Variants in TNNC1 observed in about 807,000 individuals in gnomAD.
TNNC1 encodes the protein troponin C1, slow skeletal and cardiac type.
TNNC1 carries 10 observed loss-of-function variants against 19.6 expected under a neutral mutation model. The observed-to-expected ratio is 0.51, with a 90% CI of 0.31 to 0.87. The LOEUF (loss-of-function observed/expected upper bound fraction) is 0.87, where lower values mean the gene tolerates loss of function less well. TNNC1 is among the 40% of genes least tolerant of loss of function. The pLI is 0.04. For synonymous variants in TNNC1, 85 were observed against 80.1 expected, an observed-to-expected ratio of 1.06 and a Z score of -0.33; for missense variants, 115 against 219.8, an observed-to-expected ratio of 0.52 and a Z score of 3.02.
In TNNC1 at chr3:52,452,461, C is replaced by T. The variant is rs1000067493; in HGVS notation, c.55+22G>A. The T allele has an allele frequency of 1.2e-6, 2 of 1,612,814 alleles. No homozygotes were observed. The highest frequency in any genetic ancestry group is 1.7e-5 in the Admixed American group (1 of 59,772). ...CCAGCCTGGACCCGCTGGTCTCCCA[C>T]ATGTGTGATAGGGATTCTCACCATT... On this transcript the variant is annotated intron_variant, in intron 2 of 5. Transcript: ENST00000232975. The surrounding 1 kb of genome is among the most constrained non-coding windows in gnomAD (Gnocchi z 5.2).
In TNNC1 at chr3:52,452,020, C is replaced by T. The variant is rs1706337002; in HGVS notation, c.202+86G>A. The T allele has an allele frequency of 8.1e-6, 13 of 1,606,424 alleles. No individual in the cohort carries two copies. Among genetic ancestry groups the T allele is most frequent in the Admixed American group, 1.7e-5 (1 of 59,934 alleles). The stretch of plus-strand genomic sequence containing the variant: ...ATGAGGCAACCAAGGCTCGGATAGG[C>T]TAAATTGCTCCCAGCTAAACAGAGC... On this transcript the variant is annotated intron_variant, in intron 3 of 5. Transcript: ENST00000232975. This position sits in a 1 kb window ranked among gnomAD's most constrained non-coding sequence, Gnocchi z 5.2.
chr3:52,452,224 C>A lies in TNNC1; in HGVS notation c.84G>T (p.Val28=). ...TGATGCAGCCATCCTCAGCGCCCAG[C>A]ACGAAGATGTCGAAGGCTGCCTTGA... ...NEFKAAFDIF[V]LGAEDGCIST... Residue 28 remains valine, a synonymous_variant, in exon 3 of 6, where the codon GTG becomes GTT. Transcript: ENST00000232975. The surrounding 1 kb of genome is among the most constrained non-coding windows in gnomAD (Gnocchi z 5.2). 6.2e-7 allele frequency: 1 copy of A among 1,613,660 alleles called. No homozygotes were observed. The highest frequency in any genetic ancestry group is 2.2e-5 in the East Asian group (1 of 44,876).
intron 1 of TNNC1, 79 bp downstream of exon 1, chr3:52,453,913 G>A (rs1706367759): frequency 6.6e-7 from 1 of 1,520,596 alleles, no homozygotes; most frequent in Non-Finnish European, 8.9e-7. Context: ...CTTCCCTGGG[G>A]CTACTAACCC....
Position 52,452,245 on chromosome 3 carries a change from CT to C in TNNC1, c.62del (p.Lys21ArgfsTer24). The C allele has an allele frequency of 6.2e-7, 1 of 1,611,836 alleles. No individual in the cohort carries two copies. ...QLTEEQKNEF[K>X]AAFDIFVLGA... is the part of the protein sequence containing the mutation. ...CCAGCACGAAGATGTCGAAGGCTGC[CT>C]TGAACTCTGTGTTCAGGGGTTGGGG... is the stretch of plus-strand genomic sequence containing the variant. On this transcript the variant is annotated frameshift_variant, in exon 3 of 6. Coordinates refer to ENST00000232975, the MANE Select transcript of TNNC1 (RefSeq NM_003280.3). LOFTEE classifies it high-confidence loss of function. The surrounding 1 kb of genome is among the most constrained non-coding windows in gnomAD (Gnocchi z 5.2).
Position 52,451,103 on chromosome 3 carries a change from G to T in TNNC1, c.*172C>A. 1.3e-6 allele frequency: 1 copy of T among 791,000 alleles called. No individual in the cohort carries two copies. Among genetic ancestry groups the T allele is most frequent in the African/African-American group, 1.7e-5 (1 of 58,566 alleles). 49.0% of individuals were successfully genotyped at this position (791,000 alleles called of 1,614,324 possible). ...CACCAGAGCCAGATAGCAGACCTTG[G>T]GAGAGCAGGCTTTATTTGCATCCCC... On this transcript the variant is annotated 3_prime_UTR_variant, in exon 6 of 6. Transcript: ENST00000232975. The surrounding 1 kb of genome is among the most constrained non-coding windows in gnomAD (Gnocchi z 4.8).
At position 52,452,078 on chromosome 3, in the gene TNNC1, T is replaced by C. The variant is rs1412157343; in HGVS notation, c.202+28A>G. On this transcript the variant is annotated intron_variant, in intron 3 of 5. Coordinates refer to ENST00000232975, the MANE Select transcript of TNNC1 (RefSeq NM_003280.3). The surrounding 1 kb of genome is among the most constrained non-coding windows in gnomAD (Gnocchi z 5.2). The stretch of plus-strand genomic sequence containing the variant: ...CCAGCCCCCAGCCAGCTGGGGTTCT[T>C]CTGGAGCCTGGGGAGGAGGGGGCTC... The C allele has an allele frequency of 6.2e-7, 1 of 1,613,640 alleles. No homozygotes were observed.
In TNNC1 at chr3:52,452,284, A is replaced by G. The variant is rs769720275; in HGVS notation, c.56-32T>C. On this transcript the variant is annotated intron_variant, in intron 2 of 5. Transcript: ENST00000232975. The surrounding 1 kb of genome is among the most constrained non-coding windows in gnomAD (Gnocchi z 5.2). ...TCAGGGGTTGGGGGGCACAGTAGTC[A>G]GGGCTCAGCAGCCAGGACCACGGAG... 12 of 1,604,964 alleles carry G rather than the reference A, an allele frequency of 7.5e-6. No individual in the cohort carries two copies. Among genetic ancestry groups the G allele is most frequent in the Non-Finnish European group, 8.5e-6 (10 of 1,179,970 alleles).
At position 52,452,003 on chromosome 3, in the gene TNNC1, A is replaced by G. The variant is rs1465763522; in HGVS notation, c.202+103T>C. 1.3e-6 allele frequency: 2 copies of G among 1,592,784 alleles called. No homozygotes were observed. Among genetic ancestry groups the G allele is most frequent in the African/African-American group, 2.7e-5 (2 of 74,558 alleles). On this transcript the variant is annotated intron_variant, in intron 3 of 5. Transcript: ENST00000232975. The surrounding 1 kb of genome is among the most constrained non-coding windows in gnomAD (Gnocchi z 5.2). ...TTATGCCCATTTTATAGATGAGGCA[A>G]CCAAGGCTCGGATAGGCTAAATTGC... is the stretch of plus-strand genomic sequence containing the variant.
chr3:52,451,745 T>C lies in TNNC1; in HGVS notation c.316A>G (p.Lys106Glu). 1.2e-6 allele frequency: 2 copies of C among 1,613,976 alleles called. No homozygotes were observed. The highest frequency in any genetic ancestry group is 1.3e-5 in the African/African-American group (1 of 75,024). ...AGAGGTCAAGGGTCACGTGCTCACT[T>C]GTCAAACATGCGGAAGAGGTCAGAC... ...ELSDLFRMFDKNADGYIDLDE... is the reference protein window; with the variant it reads ...ELSDLFRMFDENADGYIDLDE... Residue 106 changes from lysine (K) to glutamate (E), a missense_variant and splice_region_variant, in exon 4 of 6, where the codon AAA (lysine) becomes GAA (glutamate). Physicochemically the swap from Lys to Glu is moderately conservative, Grantham distance 56 (BLOSUM62 1). Transcript: ENST00000232975. The surrounding 1 kb of genome is among the most constrained non-coding windows in gnomAD (Gnocchi z 4.8).
Position 52,451,244 on chromosome 3 carries a change from G to A in TNNC1, c.*31C>T, listed in dbSNP as rs778692543. ...AGGACTCAGCTGGAGTTGGAGGCTGGGCATAGGCAGCTCTGGGTGAAGGTC... is the reference window on the plus strand; with the variant it reads ...AGGACTCAGCTGGAGTTGGAGGCTGAGCATAGGCAGCTCTGGGTGAAGGTC... On this transcript the variant is annotated 3_prime_UTR_variant, in exon 6 of 6. Transcript: ENST00000232975. The surrounding 1 kb of genome is among the most constrained non-coding windows in gnomAD (Gnocchi z 4.8). 1.2e-6 allele frequency: 2 copies of A among 1,613,962 alleles called. No homozygotes were observed. Among genetic ancestry groups the A allele is most frequent in the Admixed American group, 3.3e-5 (2 of 60,016 alleles).
Position 52,451,893 on chromosome 3 carries a change from G to A in TNNC1, c.203-35C>T. On this transcript the variant is annotated intron_variant, in intron 3 of 5. Coordinates refer to ENST00000232975, the MANE Select transcript of TNNC1 (RefSeq NM_003280.3). The surrounding 1 kb of genome is among the most constrained non-coding windows in gnomAD (Gnocchi z 4.8). ...GGCAGCATGGCCGTTACAGAGGCCAGGGTAGGTACTGCAGGCAGCACCTTC... is the reference window on the plus strand; with the variant it reads ...GGCAGCATGGCCGTTACAGAGGCCAAGGTAGGTACTGCAGGCAGCACCTTC... 2 of 1,591,388 alleles carry A rather than the reference G, an allele frequency of 1.3e-6. No individual in the cohort carries two copies. The highest frequency in any genetic ancestry group is 8.6e-7 in the Non-Finnish European group (1 of 1,159,792).
rs919813474 is a variant in TNNC1, at chr3:52,454,022, G to A, written c.-7C>T. 8.2e-6 allele frequency: 13 copies of A among 1,577,234 alleles called. No homozygotes were observed. Among genetic ancestry groups the A allele is most frequent in the African/African-American group, 4.0e-5 (3 of 74,146 alleles). ...CCTTGTAGATGTCATCCATGCTGGC[G>A]GCTCACAGGACAGCTTGCTGGGGTT... On this transcript the variant is annotated 5_prime_UTR_variant, in exon 1 of 6. Coordinates refer to ENST00000232975, the MANE Select transcript of TNNC1 (RefSeq NM_003280.3).
chr3:52,453,941 G>A, intron 1 of TNNC1, 51 bp downstream of exon 1: 2 of 1,563,502 alleles, frequency 1.3e-6, no homozygotes, highest in Non-Finnish European at 1.7e-6. Flanking sequence ...TCAGCTGAGT[G>A]AGCCCCCAGT....
rs111972756 is a variant in TNNC1 at position 52,451,743 on chromosome 3, C to T, written c.317+1G>A. On this transcript the variant is annotated splice_donor_variant, in intron 4 of 5. Transcript: ENST00000232975. LOFTEE classifies it high-confidence loss of function. The surrounding 1 kb of genome is among the most constrained non-coding windows in gnomAD (Gnocchi z 4.8). ...TCAGAGGTCAAGGGTCACGTGCTCA[C>T]TTGTCAAACATGCGGAAGAGGTCAG... The T allele has an allele frequency of 1.2e-6, 2 of 1,613,834 alleles. No homozygotes were observed. Among genetic ancestry groups the T allele is most frequent in the Non-Finnish European group, 1.7e-6 (2 of 1,179,842 alleles).
In TNNC1 at chr3:52,452,660, C is replaced by T; in HGVS notation, c.25-147G>A. 1 of 875,728 alleles carries T rather than the reference C, an allele frequency of 1.1e-6. No homozygotes were observed. Among genetic ancestry groups the T allele is most frequent in the South Asian group, 1.4e-5 (1 of 69,494 alleles). 54.2% of individuals were successfully genotyped at this position (875,728 alleles called of 1,614,324 possible). On this transcript the variant is annotated intron_variant, in intron 1 of 5. Transcript: ENST00000232975. The surrounding 1 kb of genome is among the most constrained non-coding windows in gnomAD (Gnocchi z 5.2). ...TGGAGGTCTCAGTCCTCCCTCCCTG[C>T]CCCCAAAGCCCTGACGTGACCCAGC...
Position 52,451,578 on chromosome 3 carries a change from C to T in TNNC1, c.318-51G>A, listed in dbSNP as rs748414706. The T allele has an allele frequency of 1.1e-5, 17 of 1,611,976 alleles. No homozygotes were observed. The highest frequency in any genetic ancestry group is 1.4e-5 in the Non-Finnish European group (17 of 1,178,776). ...GCTGTGGGGAGGGCATGAGGCAGCC[C>T]CACCCATGCCCCAGGAGGCAGAGCA... On this transcript the variant is annotated intron_variant, in intron 4 of 5. Transcript: ENST00000232975. This position sits in a 1 kb window ranked among gnomAD's most constrained non-coding sequence, Gnocchi z 4.8.
chr3:52,451,633 C>T lies in TNNC1; in HGVS notation c.318-106G>A. The T allele has an allele frequency of 6.3e-7, 1 of 1,581,768 alleles. No individual in the cohort carries two copies. On this transcript the variant is annotated intron_variant, in intron 4 of 5. Transcript: ENST00000232975. This position sits in a 1 kb window ranked among gnomAD's most constrained non-coding sequence, Gnocchi z 4.8. ...CACTGGGAGATGGGGCATCCCTCTC[C>T]CCTATCAGGCAGAGGCCACAGGGTC...
Position 52,451,210 on chromosome 3 carries a change from C to T in TNNC1, c.*65G>A. ...CAGGTCCTGGGACCCCGACCCCCTCCCCAACCCCAGGACTCAGCTGGAGTT... is the reference window on the plus strand; with the variant it reads ...CAGGTCCTGGGACCCCGACCCCCTCTCCAACCCCAGGACTCAGCTGGAGTT... On this transcript the variant is annotated 3_prime_UTR_variant, in exon 6 of 6. Transcript: ENST00000232975. The surrounding 1 kb of genome is among the most constrained non-coding windows in gnomAD (Gnocchi z 4.8). 1.2e-6 allele frequency: 2 copies of T among 1,604,226 alleles called. No individual in the cohort carries two copies. Among genetic ancestry groups the T allele is most frequent in the Non-Finnish European group, 8.5e-7 (1 of 1,171,536 alleles).
At position 52,452,490 on chromosome 3, in the gene TNNC1, C is replaced by T; in HGVS notation, c.48G>A (p.Gln16=). The part of the protein sequence containing the change: ...KAAVEQLTEE[Q]KNEFKAAFDI... ...TGTGATAGGGATTCTCACCATTTTT[C>T]TGCTCTTCTGTCAGCTGCTCTACCT... The change falls in exon 2 of 6, where the codon CAG becomes CAA. Residue 16 remains glutamine (Q), a synonymous_variant. Coordinates refer to ENST00000232975, the MANE Select transcript of TNNC1 (RefSeq NM_003280.3). This position sits in a 1 kb window ranked among gnomAD's most constrained non-coding sequence, Gnocchi z 5.2. 1 of 1,613,550 alleles carries T rather than the reference C, an allele frequency of 6.2e-7. No individual in the cohort carries two copies. The highest frequency in any genetic ancestry group is 8.5e-7 in the Non-Finnish European group (1 of 1,179,798).
Sources: allele counts gnomAD v4.1 joint callset, GRCh38; gene constraint gnomAD v4.1.1; non-coding constraint Gnocchi (gnomAD v3.1); transcripts MANE v1.5; gene names NCBI Gene and HGNC (gene_info 2026-07-23, HGNC 2026-07-21).